Variants in RUNX1T1 observed in about 807,000 individuals in gnomAD.
The protein encoded by RUNX1T1 is protein CBFA2T1.
A neutral mutation model predicts 62.8 loss-of-function variants in RUNX1T1; 4 were observed. The ratio of observed to expected loss-of-function variants is 0.06; its 90% confidence interval spans 0.03 to 0.15. The LOEUF is 0.15. RUNX1T1 is among the 10% of genes least tolerant of loss of function. The probability of loss-of-function intolerance (pLI) is 1.00; values close to 1 mark genes in which losing one functional copy is unlikely to be tolerated. For missense variants in RUNX1T1, 508 were observed against 754.3 expected (o/e 0.67, Z 3.82); for synonymous variants, 291 against 286.0 (o/e 1.02, Z -0.18).
At chr8:92,083,053 T>C (rs996343824) in intron 1 of RUNX1T1, among the ~76,000 whole-genome samples, 9 of 152,200 alleles carry the variant, frequency 5.9e-5, no homozygotes, top group East Asian at 1.9e-4. Context: ...AAAATGTCCA[T>C]ATACATAAAA....
At chr8:91,961,861 C>T (rs1473888169) in intron 10 of RUNX1T1, among the ~76,000 whole-genome samples, 1 of 152,072 alleles carries the variant, frequency 6.6e-6, no homozygotes, top group African/African-American at 2.4e-5. Context: ...ATCTGGTAAC[C>T]CCAAACAGCT....
At chr8:92,015,988 G>A (rs993293864) in intron 2 of RUNX1T1, among the ~76,000 whole-genome samples, 1 of 152,170 alleles carries the variant, frequency 6.6e-6, no homozygotes, top group African/African-American at 2.4e-5. Context: ...ATTTGGAAAG[G>A]TCTTTTAAAT....
intron 1 of RUNX1T1, among the ~76,000 whole-genome samples, chr8:92,077,754 C>T (rs1002934581): frequency 1.6e-4 from 24 of 152,020 alleles, no homozygotes; most frequent in African/African-American, 2.2e-4. Flanking sequence ...ACTGAGCAAA[C>T]GAACCAGGCA....
At chr8:92,043,103 G>T (rs1237152676) in intron 1 of RUNX1T1, among the ~76,000 whole-genome samples, 1 of 152,108 alleles carries the variant, frequency 6.6e-6, no homozygotes, top group African/African-American at 2.4e-5. Flanking sequence ...AAGTTAATGG[G>T]TGAATGTGGA....
chr8:91,991,649 G>A (rs1199151772), exon 6 of RUNX1T1: 16 of 1,613,644 alleles, frequency 9.9e-6, no homozygotes, highest in Non-Finnish European at 1.4e-5. Flanking sequence ...CCATAGGTCT[G>A]TTTCTGTCCC....
chr8:92,062,971 C>T (rs939039441), upstream of RUNX1T1: 10 of 1,219,508 alleles, frequency 8.2e-6, no homozygotes, highest in South Asian at 4.1e-5. Context: ...TCACCACCAC[C>T]CCCATCCTGT....
chr8:92,054,786 G>A (rs1314686879), intron 1 of RUNX1T1, among the ~76,000 whole-genome samples: 1 of 152,102 alleles, frequency 6.6e-6, no homozygotes, highest in Admixed American at 6.5e-5. Flanking sequence ...ACGAGATCAG[G>A]AGACTGAGAC....
intron 9 of RUNX1T1, among the ~76,000 whole-genome samples, chr8:91,974,242 C>T (rs1392796743): frequency 1.3e-5 from 2 of 152,070 alleles, no homozygotes; most frequent in East Asian, 1.9e-4. Flanking sequence ...TTTGAATCTG[C>T]GTCCAATTGC....
chr8:92,094,090 T>C (rs1837431955), intron 1 of RUNX1T1, among the ~76,000 whole-genome samples: 1 of 152,232 alleles, frequency 6.6e-6, no homozygotes, highest in African/African-American at 2.4e-5. Context: ...TGAATTTCAG[T>C]GTTTCATCAT....
At chr8:92,011,227 T>C in intron 3 of RUNX1T1, 136 bp from the exon 5 acceptor site, 1 of 593,114 alleles carries the variant, frequency 1.7e-6, no homozygotes, top group Admixed American at 3.1e-5. Flanking sequence ...GTATTTTCAA[T>C]AAAACCTATT....
At chr8:92,099,881 C>A (rs1837959851), upstream of RUNX1T1, among the ~76,000 whole-genome samples, 1 of 152,066 alleles carries the variant, frequency 6.6e-6, no homozygotes, top group African/African-American at 2.4e-5. Context: ...GGCTACGGTT[C>A]GATTTGACAA....
At chr8:92,069,720 A>G (rs1271460934) in intron 2 of RUNX1T1, among the ~76,000 whole-genome samples, 1 of 152,186 alleles carries the variant, frequency 6.6e-6, no homozygotes, top group Non-Finnish European at 1.5e-5. Context: ...TTTACCAGGC[A>G]AAAGAGAATT....
chr8:92,086,030 T>C (rs943945943), intron 1 of RUNX1T1, among the ~76,000 whole-genome samples: 5 of 152,192 alleles, frequency 3.3e-5, no homozygotes, highest in Non-Finnish European at 5.9e-5. Context: ...TTAGAGTAGA[T>C]TTGAAAAATA....
At chr8:92,100,341 C>G (rs1837978502), upstream of RUNX1T1, among the ~76,000 whole-genome samples, 4 of 152,128 alleles carry the variant, frequency 2.6e-5, no homozygotes, top group South Asian at 8.3e-4. Context: ...ACTGGAGAAA[C>G]TGAGTATTGA....
At chr8:91,972,378 AAATAT>A (rs1466790495) in intron 9 of RUNX1T1, among the ~76,000 whole-genome samples, 1 of 152,130 alleles carries the variant, frequency 6.6e-6, no homozygotes, top group East Asian at 1.9e-4. Flanking sequence ...TTATAAACTA[AAATAT>A]AAGTAAAAGA....
At chr8:91,978,430 CT>C (rs1438842300) in intron 8 of RUNX1T1, among the ~76,000 whole-genome samples, 1 of 152,136 alleles carries the variant, frequency 6.6e-6, no homozygotes, top group East Asian at 1.9e-4. Flanking sequence ...ATTATTATTA[CT>C]TACTATGTGG....
At chr8:92,102,095 G>C (rs1838063452), upstream of RUNX1T1, among the ~76,000 whole-genome samples, 1 of 152,228 alleles carries the variant, frequency 6.6e-6, no homozygotes, top group Non-Finnish European at 1.5e-5. This position sits in a 1 kb window ranked among gnomAD's most constrained non-coding sequence, Gnocchi z 4.5. Flanking sequence ...GAACACCCAG[G>C]AGGGCCGGGG....
At position 91,986,120 on chromosome 8, in the gene RUNX1T1, T is replaced by A; in HGVS notation, c.1198+4A>T. On this transcript the variant is annotated splice_donor_region_variant and intron_variant, in intron 8 of 10. Coordinates refer to ENST00000396218, the Ensembl canonical transcript of RUNX1T1. Reference sequence around the variant, plus strand: ...TTCGAGATACTCATCTGAAGAAAAGTTACCTAGTGCAACTGGGTCTGGGTT... The same window carrying A: ...TTCGAGATACTCATCTGAAGAAAAGATACCTAGTGCAACTGGGTCTGGGTT... The A allele has an allele frequency of 6.2e-7, 1 of 1,604,320 alleles. No individual in the cohort carries two copies. Among genetic ancestry groups the A allele is most frequent in the Non-Finnish European group, 8.5e-7 (1 of 1,171,016 alleles).
In RUNX1T1 at chr8:92,009,360, A is replaced by G. The variant is rs145450333; in HGVS notation, c.477+1642T>C. 4.9e-3 allele frequency among the ~76,000 whole-genome samples: 752 copies of G among 152,306 alleles called. 4 individuals are homozygous for G. Among genetic ancestry groups the G allele is most frequent in the South Asian group, 0.02 (97 of 4,818 alleles). Reference sequence around the variant, plus strand: ...ACAGCAGTGTTTGAATGCACTTATTAAGGCCCGAGTTCCCACAACCATATG... The same window carrying G: ...ACAGCAGTGTTTGAATGCACTTATTGAGGCCCGAGTTCCCACAACCATATG... On this transcript the variant is annotated intron_variant, in intron 4 of 10. Coordinates refer to ENST00000396218, the Ensembl canonical transcript of RUNX1T1.
Sources: allele counts gnomAD v4.1 joint callset (sites outside exome capture counted in the v4.1 genomes callset), GRCh38; gene constraint gnomAD v4.1.1; non-coding constraint Gnocchi (gnomAD v3.1); transcripts MANE v1.5; gene names NCBI Gene and HGNC (gene_info 2026-07-23, HGNC 2026-07-21).